Variants in GFRA2 observed in about 807,000 individuals in gnomAD.
GFRA2 encodes the protein GDNF family receptor alpha 2, also known as GDNF family receptor alpha-2.
A neutral mutation model predicts 48.3 loss-of-function variants in GFRA2; 17 were observed. The observed-to-expected ratio is 0.35, with a 90% confidence interval of 0.24 to 0.53. The LOEUF is 0.53. GFRA2 is among the 20% of genes least tolerant of loss of function. GFRA2 has a pLI of 0.93. For synonymous variants in GFRA2, 305 were observed against 257.2 expected, an observed-to-expected ratio of 1.19 and a Z score of -1.78; for missense variants, 660 against 637.3, an observed-to-expected ratio of 1.04 and a Z score of -0.38.
chr8:21,730,346 C>T (rs1021572411), intron 4 of GFRA2, among the ~76,000 whole-genome samples: 10 of 151,628 alleles, frequency 6.6e-5, no homozygotes, highest in African/African-American at 2.2e-4. Flanking sequence ...GAGGATGCAG[C>T]GAGCCGAGAT....
At chr8:21,810,887 C>A (rs1465264980) in intron 1 of GFRA2, among the ~76,000 whole-genome samples, 1 of 152,142 alleles carries the variant, frequency 6.6e-6, no homozygotes, top group Non-Finnish European at 1.5e-5. Context: ...AGGCCACCAG[C>A]CTATGGGTAT....
At chr8:21,718,805 C>T (rs556485227) in intron 4 of GFRA2, among the ~76,000 whole-genome samples, 70 of 152,260 alleles carry the variant, frequency 4.6e-4, no homozygotes, top group African/African-American at 1.6e-3. Flanking sequence ...ACTCACAACA[C>T]AGCAGCAAGG....
chr8:21,714,790 A>G (rs973138235), intron 4 of GFRA2, among the ~76,000 whole-genome samples: 11 of 152,204 alleles, frequency 7.2e-5, no homozygotes, highest in Non-Finnish European at 1.5e-4. Context: ...ACACCAGGCC[A>G]GGTACGGTGG....
chr8:21,713,035 ACGAGGG>A (rs1161787433), intron 4 of GFRA2, among the ~76,000 whole-genome samples: 2 of 148,080 alleles, frequency 1.4e-5, no homozygotes, highest in African/African-American at 5.1e-5. Context: ...GGAGAGGGAG[ACGAGGG>A]AGAGGGAGAG....
chr8:21,761,116 C>A (rs917801390), intron 3 of GFRA2, among the ~76,000 whole-genome samples: 4 of 152,170 alleles, frequency 2.6e-5, no homozygotes, highest in African/African-American at 9.7e-5. Context: ...ACAACCATCA[C>A]CTCCACACCT....
intron 2 of GFRA2, among the ~76,000 whole-genome samples, chr8:21,800,594 C>T (rs376726367): frequency 2.0e-5 from 3 of 152,286 alleles, no homozygotes; most frequent in East Asian, 3.9e-4. Flanking sequence ...TCCTTCACAC[C>T]ACAGATGACT....
intron 4 of GFRA2, among the ~76,000 whole-genome samples, chr8:21,723,842 G>A (rs574777659): frequency 1.4e-4 from 21 of 152,326 alleles, no homozygotes; most frequent in Admixed American, 9.8e-4. Flanking sequence ...TCCCGCTTGT[G>A]CAGCGGGCAT....
chr8:21,793,737 T>C (rs1251150753), upstream of GFRA2, among the ~76,000 whole-genome samples: 1 of 152,146 alleles, frequency 6.6e-6, no homozygotes, highest in Non-Finnish European at 1.5e-5. Context: ...TTCTGTGCCT[T>C]GTATCGGACA....
chr8:21,803,174 G>A (rs7005880), intron 2 of GFRA2, among the ~76,000 whole-genome samples: 73,705 of 152,046 alleles, frequency 0.48, 20,255 homozygotes, highest in African/African-American at 0.74. Flanking sequence ...AGGCTGACTC[G>A]TGCATTATCA....
At chr8:21,753,212 G>A (rs73219550) in intron 3 of GFRA2, among the ~76,000 whole-genome samples, 28,762 of 152,164 alleles carry the variant, frequency 0.19, 2,826 homozygotes, top group Middle Eastern at 0.24. Context: ...AATGCTGTCC[G>A]CTCACCACAC....
chr8:21,788,513 T>G lies in GFRA2; in HGVS notation c.-354A>C. 1 of 1,047,604 alleles carries G rather than the reference T, an allele frequency of 9.5e-7. No homozygotes were observed. The highest frequency in any genetic ancestry group is 1.1e-6 in the Non-Finnish European group (1 of 871,456). 64.9% of individuals were successfully genotyped at this position (1,047,604 alleles called of 1,614,324 possible). On this transcript the variant is annotated 5_prime_UTR_variant, in exon 1 of 9. Transcript: ENST00000524240. ...TGAGTCCCCGCGGGTCCAATTCCCC[T>G]GCGCTTCCCAGGAGGGGCCTGGGGA...
At chr8:21,738,849 A>T (rs1355167213) in intron 4 of GFRA2, among the ~76,000 whole-genome samples, 5 of 152,204 alleles carry the variant, frequency 3.3e-5, no homozygotes, top group African/African-American at 1.2e-4. Flanking sequence ...TCACTCCAGC[A>T]TCCCAGGTGC....
At chr8:21,804,026 A>C (rs987039767) in intron 2 of GFRA2, among the ~76,000 whole-genome samples, 1 of 152,232 alleles carries the variant, frequency 6.6e-6, no homozygotes, top group Non-Finnish European at 1.5e-5. Flanking sequence ...CATTTGATAT[A>C]TGAAGATAAT....
chr8:21,733,191 T>TATA (rs1804283599), intron 4 of GFRA2, among the ~76,000 whole-genome samples: 1 of 152,118 alleles, frequency 6.6e-6, no homozygotes, highest in Non-Finnish European at 1.5e-5. Context: ...CCCTGAAATG[T>TATA]TCCGCATCCC....
rs763102092 is a variant in GFRA2 at position 21,697,462 on chromosome 8, AG to A, written c.1219-2946del. On this transcript the variant is annotated intron_variant, in intron 7 of 8. Coordinates refer to ENST00000524240, the MANE Select transcript of GFRA2 (RefSeq NM_001495.5). ...TCTGCCCCAAGGTGTGGTCTCTGCCAGGGGCAACAGGGCCCTTGGGTGGGAG... is the reference window on the plus strand; with the variant it reads ...TCTGCCCCAAGGTGTGGTCTCTGCCAGGGCAACAGGGCCCTTGGGTGGGAG... Among the ~76,000 whole-genome samples the A allele has an allele frequency of 2.6e-5, 4 of 151,626 alleles. No homozygotes were observed. The South Asian group carries it at 8.5e-4, about 32-fold the overall frequency.
At chr8:21,721,381 T>C (rs1803585919) in intron 4 of GFRA2, among the ~76,000 whole-genome samples, 1 of 152,172 alleles carries the variant, frequency 6.6e-6, no homozygotes, top group South Asian at 2.1e-4. Flanking sequence ...ACACACATCC[T>C]TAAGCACCAC....
rs1806635237 is a variant in GFRA2, at chr8:21,775,182, G to C, written c.356-127C>G. 7.8e-6 allele frequency: 5 copies of C among 640,256 alleles called. No homozygotes were observed. The Admixed American group carries it at 9.5e-5, about 12-fold the overall frequency. The allele number at this position is 640,256 out of a possible 1,614,324, so 39.7% of individuals were successfully genotyped here. Reference sequence around the variant, plus strand: ...CGTGCCACCCAAAGGATAAGAGACAGGGCAGCCCTTCCCAAAGTGAAGAGT... The same window carrying C: ...CGTGCCACCCAAAGGATAAGAGACACGGCAGCCCTTCCCAAAGTGAAGAGT... On this transcript the variant is annotated intron_variant, in intron 2 of 8. Transcript: ENST00000524240.
intron 8 of GFRA2, 25 bp from the exon 9 acceptor site, chr8:21,693,425 C>G (rs1411515832): frequency 2.5e-6 from 4 of 1,590,536 alleles, no homozygotes; most frequent in East Asian, 2.3e-5. Context: ...GGAGAAGAAT[C>G]AGGAACAAAG....
rs185283485 is a variant in GFRA2, at chr8:21,720,983, G to A, written c.795-14942C>T. The stretch of plus-strand genomic sequence containing the variant: ...AGTTGCCACCGGATGGAGGGAGGAA[G>A]AGAATTAGTAAGAAAAAAAAAAATG... On this transcript the variant is annotated intron_variant, in intron 4 of 8. Coordinates refer to ENST00000524240, the MANE Select transcript of GFRA2 (RefSeq NM_001495.5). 5.7e-3 allele frequency among the ~76,000 whole-genome samples: 779 copies of A among 136,030 alleles called. 5 individuals are homozygous for A. Among genetic ancestry groups the A allele is most frequent in the African/African-American group, 0.019 (733 of 37,712 alleles). The allele number at this position is 136,030 out of a possible 152,430, so 89.2% of individuals were successfully genotyped here.
Sources: allele counts gnomAD v4.1 joint callset (sites outside exome capture counted in the v4.1 genomes callset), GRCh38; gene constraint gnomAD v4.1.1; transcripts MANE v1.5; gene names NCBI Gene and HGNC (gene_info 2026-07-23, HGNC 2026-07-21).